The following ADGRL2 variants were observed in gnomAD, a reference collection of about 807,000 sequenced individuals.
The protein encoded by ADGRL2 is adhesion G protein-coupled receptor L2, also known as calcium-independent alpha-latrotoxin receptor 2.
Under a neutral mutation model 157.4 loss-of-function variants are expected in ADGRL2, and 44 were observed. That is an observed-to-expected ratio of 0.28 (90% CI 0.22 to 0.36). The LOEUF (loss-of-function observed/expected upper bound fraction) is 0.36. Among genes scored for constraint, ADGRL2 ranks in the 10% least tolerant of loss-of-function variants. The pLI, the probability that ADGRL2 is intolerant of heterozygous loss-of-function variation, is 1.00. For missense variants in ADGRL2, 1,510 were observed against 1,768.9 expected (o/e 0.85, Z 2.63); for synonymous variants, 585 against 624.7 (o/e 0.94, Z 0.95).
At chr1:81,417,972 T>G (rs1460487706) in intron 1 of ADGRL2, among the ~76,000 whole-genome samples, 9 of 152,168 alleles carry the variant, frequency 5.9e-5, no homozygotes, top group Non-Finnish European at 1.5e-5. Flanking sequence ...AAAAATGTAT[T>G]TTAAGGGGCT....
Position 81,950,477 on chromosome 1 carries a change from C to G in ADGRL2, c.1499C>G (p.Thr500Arg), listed in dbSNP as rs764247248. The G allele has an allele frequency of 6.2e-7, 1 of 1,611,342 alleles. No homozygotes were observed. Among genetic ancestry groups the G allele is most frequent in the Non-Finnish European group, 8.5e-7 (1 of 1,178,644 alleles). ...MMVERPCPKG[T>R]RGTASYLCMI... ...GTTGAACGACCATGCCCTAAGGGAACAAGAGGTATTTTCTATAAACTACCA... is the reference window on the plus strand; with the variant it reads ...GTTGAACGACCATGCCCTAAGGGAAGAAGAGGTATTTTCTATAAACTACCA... Residue 500 changes from threonine to arginine, a missense_variant, in exon 7 of 24, where the codon ACA becomes AGA. Thr to Arg is a moderately conservative substitution (Grantham distance 71). Transcript: ENST00000686636.
In ADGRL2 at chr1:81,973,105, G is replaced by A. The variant is rs188505011; in HGVS notation, c.3021+1187G>A. 1.7e-4 allele frequency among the ~76,000 whole-genome samples: 26 copies of A among 151,998 alleles called. 2 individuals are homozygous for A. Among genetic ancestry groups the A allele is most frequent in the Admixed American group, 6.5e-5 (1 of 15,276 alleles). On this transcript the variant is annotated intron_variant, in intron 17 of 23. Coordinates refer to ENST00000686636, the MANE Select transcript of ADGRL2 (RefSeq NM_001366006.2). ...TTCATGAAATTGAGAAAAACTTCTA[G>A]TACTTGAAGGAAACTTAAAACCACT...
chr1:81,412,754 G>C (rs949194394), intron 1 of ADGRL2, among the ~76,000 whole-genome samples: 1 of 152,100 alleles, frequency 6.6e-6, no homozygotes, highest in African/African-American at 2.4e-5. Flanking sequence ...ATTTATTGAT[G>C]GATGAATACA....
chr1:81,498,669 G>A (rs1055471332), intron 2 of ADGRL2, among the ~76,000 whole-genome samples: 2 of 152,164 alleles, frequency 1.3e-5, no homozygotes, highest in Non-Finnish European at 2.9e-5. Context: ...AAACAAGCAA[G>A]CTATTCTCTT....
At chr1:81,984,469 A>G (rs41292980) in intron 19 of ADGRL2, 114 bp from the exon 20 acceptor site, 24,090 of 1,124,964 alleles carry the variant, frequency 0.021, 382 homozygotes, top group South Asian at 0.058. Context: ...TTCTCCACGG[A>G]TAAGTTTTAG....
intron 2 of ADGRL2, among the ~76,000 whole-genome samples, chr1:81,461,712 T>G (rs539514196): frequency 6.6e-6 from 1 of 152,312 alleles, no homozygotes; most frequent in African/African-American, 2.4e-5. Context: ...TGATACTTTC[T>G]GATCACTCTG....
chr1:81,906,585 G>A (rs910866009), intron 2 of ADGRL2, among the ~76,000 whole-genome samples: 4 of 152,122 alleles, frequency 2.6e-5, no homozygotes, highest in African/African-American at 7.2e-5. Flanking sequence ...TAATGCAATA[G>A]CAATTAATAT....
intron 3 of ADGRL2, among the ~76,000 whole-genome samples, chr1:81,627,204 A>T (rs1008240496): frequency 6.6e-6 from 1 of 152,090 alleles, no homozygotes; most frequent in Non-Finnish European, 1.5e-5. Context: ...GCCCATGAAC[A>T]TTTTCTTTAA....
chr1:81,878,166 C>T (rs2093890730), intron 2 of ADGRL2, among the ~76,000 whole-genome samples: 1 of 152,102 alleles, frequency 6.6e-6, no homozygotes, highest in Non-Finnish European at 1.5e-5. Context: ...ATGCAAATCT[C>T]TTACATTCAA....
At chr1:81,426,996 A>AC in intron 1 of ADGRL2, 1 of 912,150 alleles carries the variant, frequency 1.1e-6, no homozygotes, top group Non-Finnish European at 1.8e-6. Flanking sequence ...ACAGTTGATA[A>AC]CATTGTTATT....
chr1:81,844,728 C>T (rs896737020), intron 2 of ADGRL2, among the ~76,000 whole-genome samples: 3 of 152,138 alleles, frequency 2.0e-5, no homozygotes, highest in African/African-American at 7.2e-5. Flanking sequence ...CAGGAGAATA[C>T]CTAGTCCCAG....
intron 2 of ADGRL2, among the ~76,000 whole-genome samples, chr1:81,870,285 A>C (rs904874757): frequency 1.3e-5 from 2 of 152,018 alleles, no homozygotes; most frequent in African/African-American, 2.4e-5. Flanking sequence ...TATTTCCCAC[A>C]TCTACAGTCC....
chr1:81,800,848 G>A (rs1311704233), upstream of ADGRL2, among the ~76,000 whole-genome samples: 3 of 150,568 alleles, frequency 2.0e-5, no homozygotes, highest in African/African-American at 7.3e-5. Context: ...CGGGGACCTG[G>A]GGGTAGGGGG....
At chr1:81,747,043 T>C (rs1238820506) in intron 1 of ADGRL2, among the ~76,000 whole-genome samples, 2 of 147,230 alleles carry the variant, frequency 1.4e-5, no homozygotes, top group South Asian at 2.1e-4. Context: ...CGTATATATA[T>C]GTATATACGT....
At chr1:81,832,304 G>T (rs530295284) in intron 1 of ADGRL2, among the ~76,000 whole-genome samples, 3 of 152,218 alleles carry the variant, frequency 2.0e-5, no homozygotes, top group South Asian at 4.1e-4. Flanking sequence ...ACCATGTCCA[G>T]CTAATTTTTT....
chr1:81,848,456 T>C (rs1440596544), intron 2 of ADGRL2, among the ~76,000 whole-genome samples: 6 of 151,814 alleles, frequency 4.0e-5, no homozygotes, highest in Admixed American at 6.6e-5. Context: ...CCAGTCCAGT[T>C]TTCTTGCTGT....
intron 3 of ADGRL2, among the ~76,000 whole-genome samples, chr1:81,683,074 AC>A (rs1457424361): frequency 6.6e-6 from 1 of 152,226 alleles, no homozygotes; most frequent in Non-Finnish European, 1.5e-5. Flanking sequence ...AGGAGGTTGC[AC>A]TAAGCTGAGA....
At chr1:81,512,108 G>A (rs2079090643) in intron 2 of ADGRL2, among the ~76,000 whole-genome samples, 1 of 152,094 alleles carries the variant, frequency 6.6e-6, no homozygotes, top group Non-Finnish European at 1.5e-5. Context: ...TGAGCCTGTA[G>A]GCTGCTATGC....
chr1:81,859,086 A>C (rs1174118412), intron 2 of ADGRL2, among the ~76,000 whole-genome samples: 1 of 152,220 alleles, frequency 6.6e-6, no homozygotes, highest in African/African-American at 2.4e-5. Flanking sequence ...AGAGAGATTA[A>C]GAAGATGCTA....
Sources: allele counts gnomAD v4.1 joint callset (sites outside exome capture counted in the v4.1 genomes callset), GRCh38; gene constraint gnomAD v4.1.1; transcripts MANE v1.5; gene names NCBI Gene and HGNC (gene_info 2026-07-23, HGNC 2026-07-21).